The following ZNF208 variants were observed in gnomAD, a reference collection of about 807,000 sequenced individuals.
ZNF208 encodes the protein zinc finger protein 208, also known as zinc finger protein 95.
In ZNF208, 10 loss-of-function variants were observed where a neutral mutation model predicts 12.1. The ratio of observed to expected loss-of-function variants is 0.83; its 90% CI spans 0.51 to 1.40. The LOEUF (loss-of-function observed/expected upper bound fraction) is 1.40. Ranked by LOEUF, ZNF208 falls within the 40% of genes most tolerant of loss-of-function variation. ZNF208 has a pLI of 0.00. For missense variants in ZNF208, 1,652 were observed against 1,485.0 expected, an observed-to-expected ratio of 1.11 and a Z score of -1.85; for synonymous variants, 497 against 488.4, an observed-to-expected ratio of 1.02 and a Z score of -0.23.
intron 4 of ZNF208, among the ~76,000 whole-genome samples, chr19:21,955,965 G>T (rs894525884): frequency 6.6e-6 from 1 of 152,152 alleles, no homozygotes; most frequent in Non-Finnish European, 1.5e-5. Flanking sequence ...CATCTTTGGG[G>T]TTTTATCTAC....
At chr19:22,005,598 C>T (rs911143601) in intron 1 of ZNF208, among the ~76,000 whole-genome samples, 9 of 152,164 alleles carry the variant, frequency 5.9e-5, no homozygotes, top group Admixed American at 1.3e-4. Context: ...ACAACATTGT[C>T]CTCACTGCAG....
chr19:22,001,966 C>T (rs147395531), intron 1 of ZNF208, among the ~76,000 whole-genome samples: 1,840 of 144,046 alleles, frequency 0.013, 30 homozygotes, highest in African/African-American at 0.043. Context: ...ACTGGCAAAC[C>T]AAATCCAGCA....
In ZNF208 at chr19:21,948,827, C is replaced by A. The variant is rs115142821; in HGVS notation, c.306-15590G>T. On this transcript the variant is annotated intron_variant, in intron 4 of 4. Transcript: ENST00000599916. The stretch of plus-strand genomic sequence containing the variant: ...AAAACAAACAGTAGGTTACCTAGAG[C>A]CAGTCAGAAAAGAAACTCAGTTGAA... Among the ~76,000 whole-genome samples, 381 of 152,138 alleles carry A rather than the reference C, an allele frequency of 2.5e-3. 2 individuals are homozygous for A. Among genetic ancestry groups the A allele is most frequent in the African/African-American group, 8.4e-3 (349 of 41,490 alleles).
intron 3 of ZNF208, among the ~76,000 whole-genome samples, chr19:21,980,443 ACTGAACAAC>A (rs1241934581): frequency 6.6e-6 from 1 of 152,218 alleles, no homozygotes; most frequent in African/African-American, 2.4e-5. Context: ...CTACATGGAA[ACTGAACAAC>A]CTGCTCCTGA....
chr19:21,981,810 C>G (rs1970543906), intron 3 of ZNF208, among the ~76,000 whole-genome samples: 1 of 152,072 alleles, frequency 6.6e-6, no homozygotes, highest in South Asian at 2.1e-4. Flanking sequence ...TTAGAAAACC[C>G]CACTGTCTCA....
downstream of ZNF208, chr19:21,965,752 T>C (rs1226192812): frequency 1.3e-5 from 2 of 151,788 alleles, no homozygotes; most frequent in Admixed American, 6.6e-5. Flanking sequence ...TCTAATTCAG[T>C]AATTTAGCAT....
chr19:21,993,402 T>C (rs1205478423), intron 1 of ZNF208, among the ~76,000 whole-genome samples: 1 of 151,956 alleles, frequency 6.6e-6, no homozygotes, highest in African/African-American at 2.4e-5. Context: ...GCCACTTAAT[T>C]AAAACAACAT....
At chr19:21,955,562 C>A (rs1599603981) in intron 4 of ZNF208, among the ~76,000 whole-genome samples, 1 of 152,140 alleles carries the variant, frequency 6.6e-6, no homozygotes, top group African/African-American at 2.4e-5. Flanking sequence ...TTTCTTCTCA[C>A]TTCATTTCAT....
chr19:21,963,315 G>A (rs547285089), downstream of ZNF208, among the ~76,000 whole-genome samples: 1 of 151,984 alleles, frequency 6.6e-6, no homozygotes, highest in Admixed American at 6.6e-5. Context: ...TGACTTTCCT[G>A]GAATATTGAA....
At chr19:21,994,400 C>A (rs1353573514) in intron 1 of ZNF208, among the ~76,000 whole-genome samples, 2 of 152,120 alleles carry the variant, frequency 1.3e-5, no homozygotes, top group Non-Finnish European at 2.9e-5. Context: ...AAACTCTGAT[C>A]TCTTCTAATC....
chr19:21,997,922 T>G (rs1970869593), intron 1 of ZNF208: 1 of 152,060 alleles, frequency 6.6e-6, no homozygotes, highest in African/African-American at 2.4e-5. Flanking sequence ...AAAACTGCTC[T>G]CATTCTGAGA....
intron 1 of ZNF208, chr19:22,009,447 T>C (rs1385830892): frequency 6.6e-6 from 1 of 152,126 alleles, no homozygotes; most frequent in Non-Finnish European, 1.5e-5. Context: ...TTCTAATTTC[T>C]ACTTTTAAAA....
chr19:22,008,047 G>A (rs575365018), intron 1 of ZNF208, among the ~76,000 whole-genome samples: 1 of 144,916 alleles, frequency 6.9e-6, no homozygotes, highest in African/African-American at 2.6e-5. Flanking sequence ...GCTCACACCT[G>A]TAATCCCACC....
At chr19:21,950,041 G>A (rs973100777) in intron 4 of ZNF208, among the ~76,000 whole-genome samples, 3 of 152,168 alleles carry the variant, frequency 2.0e-5, no homozygotes, top group African/African-American at 4.8e-5. Flanking sequence ...ATTGTAAACA[G>A]GTAGTTGTGT....
At chr19:21,990,874 A>G (rs2145570335) in intron 1 of ZNF208, among the ~76,000 whole-genome samples, 1 of 152,270 alleles carries the variant, frequency 6.6e-6, no homozygotes, top group East Asian at 1.9e-4. Flanking sequence ...AGCAATTGTG[A>G]ATGGGAGTTC....
intron 4 of ZNF208, among the ~76,000 whole-genome samples, chr19:21,960,606 C>T (rs1427186365): frequency 1.3e-5 from 2 of 152,244 alleles, no homozygotes; most frequent in South Asian, 2.1e-4. Flanking sequence ...GAAGTTTGAG[C>T]GTCACTGGAA....
chr19:21,990,660 T>C (rs909659791), intron 1 of ZNF208, among the ~76,000 whole-genome samples: 3 of 152,212 alleles, frequency 2.0e-5, no homozygotes, highest in African/African-American at 4.8e-5. Flanking sequence ...GGAGATGGCA[T>C]TGAATCTATA....
intron 3 of ZNF208, among the ~76,000 whole-genome samples, chr19:21,979,851 A>T (rs982845641): frequency 6.6e-6 from 1 of 152,246 alleles, no homozygotes; most frequent in Admixed American, 6.5e-5. Flanking sequence ...GCAAAGACAC[A>T]TATAGGCTCA....
At chr19:21,960,963 TAATA>T (rs923127001) in intron 4 of ZNF208, among the ~76,000 whole-genome samples, 4 of 151,920 alleles carry the variant, frequency 2.6e-5, no homozygotes, top group African/African-American at 7.3e-5. Context: ...TACTTCCACT[TAATA>T]AATAGTGATT....
Sources: gnomAD v4.1 joint callset for allele counts (sites outside exome capture counted in the v4.1 genomes callset) on GRCh38, gnomAD v4.1.1 for gene constraint, MANE v1.5 for transcripts, NCBI Gene and HGNC (gene_info 2026-07-23, HGNC 2026-07-21) for gene names.